The following GLS variants were observed in gnomAD, a reference collection of about 807,000 sequenced individuals.
GLS encodes the protein glutaminase.
In GLS, 36 loss-of-function variants were observed where a neutral mutation model predicts 86.7. That is an observed-to-expected ratio of 0.42 (90% confidence interval 0.32 to 0.55). The LOEUF (loss-of-function observed/expected upper bound fraction) is 0.55, where lower values mean the gene tolerates loss of function less well. Ranked by LOEUF, GLS falls within the 20% of genes least tolerant of loss-of-function variation. The pLI, the probability that GLS is intolerant of heterozygous loss-of-function variation, is 0.17. For synonymous variants in GLS, 317 were observed against 305.9 expected (o/e 1.04, Z -0.38); for missense variants, 528 against 833.4 (o/e 0.63, Z 4.51).
At chr2:190,934,900 CT>C (rs1410957273) in intron 14 of GLS, 1 of 978,600 alleles carries the variant, frequency 1.0e-6, no homozygotes, top group African/African-American at 1.7e-5. Flanking sequence ...GGCCCTCAAA[CT>C]TAAAAAAGAA....
chr2:190,940,367 T>A (rs566943994), intron 14 of GLS, among the ~76,000 whole-genome samples: 93 of 152,186 alleles, frequency 6.1e-4, no homozygotes, highest in Non-Finnish European at 1.0e-3. Context: ...TAACATTCTA[T>A]GGTGACTAAT....
intron 11 of GLS, among the ~76,000 whole-genome samples, chr2:190,925,124 TAATG>T (rs1689858535): frequency 1.3e-5 from 2 of 152,314 alleles, no homozygotes; most frequent in South Asian, 4.1e-4. Context: ...TTGTCAAAAA[TAATG>T]AACACTCCCA....
rs1230203270 is a variant in GLS, at chr2:190,935,175, T to C, written c.1650+3538T>C. 1.9e-5 allele frequency: 17 copies of C among 898,940 alleles called. No homozygotes were observed. The highest frequency in any genetic ancestry group is 2.3e-5 in the Non-Finnish European group (17 of 751,262). 55.7% of individuals were successfully genotyped at this position (898,940 alleles called of 1,614,324 possible). On this transcript the variant is annotated intron_variant, in intron 14 of 17. Coordinates refer to ENST00000320717, the MANE Select transcript of GLS (RefSeq NM_014905.5). This position sits in a 1 kb window ranked among gnomAD's most constrained non-coding sequence, Gnocchi z 4.2. ...ATGTTGTGCATTTTATCTTAGTGTT[T>C]GGATGAAAACATTTGTGTTGTTTAG...
chr2:190,904,311 A>G (rs1689054980), intron 5 of GLS, among the ~76,000 whole-genome samples: 1 of 152,072 alleles, frequency 6.6e-6, no homozygotes, highest in South Asian at 2.1e-4. Context: ...AAAGGTGAAT[A>G]ATTTCTAAAA....
chr2:190,924,040 A>C lies in GLS; in HGVS notation c.1197+57A>C. ...TTCTTTCATTTAATAAAATACATGA[A>C]GATGTATGCTAAGAATTCAACAATA... On this transcript the variant is annotated intron_variant, in intron 10 of 17. Coordinates refer to ENST00000320717, the MANE Select transcript of GLS (RefSeq NM_014905.5). The surrounding 1 kb of genome is among the most constrained non-coding windows in gnomAD (Gnocchi z 5.2). 1 of 876,282 alleles carries C rather than the reference A, an allele frequency of 1.1e-6. No individual in the cohort carries two copies. The highest frequency in any genetic ancestry group is 1.7e-5 in the African/African-American group (1 of 58,418). 54.3% of individuals were successfully genotyped at this position (876,282 alleles called of 1,614,324 possible). A position where few individuals can be genotyped will look rare whatever the true frequency, so the allele number is the denominator to read the frequency against.
chr2:190,910,072 AT>A (rs1311952042), intron 6 of GLS, among the ~76,000 whole-genome samples, 190 bp from the exon 7 acceptor site: 1 of 152,096 alleles, frequency 6.6e-6, no homozygotes, highest in Non-Finnish European at 1.5e-5. Flanking sequence ...TTATTATTCT[AT>A]GTAAATCACT....
Position 190,943,383 on chromosome 2 carries a change from A to G in GLS, c.1651-10182A>G, listed in dbSNP as rs151142285. ...TATAAAGTGATAAGGAAAGTGTATC[A>G]AAGACAGAACCCTAAGAAACCATCA... On this transcript the variant is annotated intron_variant, in intron 14 of 17. Transcript: ENST00000320717. This position sits in a 1 kb window ranked among gnomAD's most constrained non-coding sequence, Gnocchi z 4.5. Among the ~76,000 whole-genome samples the G allele has an allele frequency of 7.2e-5, 11 of 152,300 alleles. No individual in the cohort carries two copies. The highest frequency in any genetic ancestry group is 2.6e-4 in the African/African-American group (11 of 41,566).
At chr2:190,907,340 C>T (rs1689189035) in intron 6 of GLS, among the ~76,000 whole-genome samples, 1 of 152,018 alleles carries the variant, frequency 6.6e-6, no homozygotes, top group Non-Finnish European at 1.5e-5. Context: ...TCACCGCAAC[C>T]TCCGCCTCCC....
At chr2:190,902,497 A>C (rs759440594) in intron 5 of GLS, among the ~76,000 whole-genome samples, 5 of 152,180 alleles carry the variant, frequency 3.3e-5, no homozygotes, top group Non-Finnish European at 5.9e-5. Context: ...AACATGTAGG[A>C]TTTCATGAAG....
rs1254719740 is a variant in GLS, at chr2:190,938,104, T to C, written c.1650+6467T>C. Among the ~76,000 whole-genome samples the C allele has an allele frequency of 6.6e-6, 1 of 151,362 alleles. No individual in the cohort carries two copies. Among genetic ancestry groups the C allele is most frequent in the African/African-American group, 2.4e-5 (1 of 41,374 alleles). On this transcript the variant is annotated intron_variant, in intron 14 of 17. Coordinates refer to ENST00000320717, the MANE Select transcript of GLS (RefSeq NM_014905.5). This position sits in a 1 kb window ranked among gnomAD's most constrained non-coding sequence, Gnocchi z 4.1. ...ACCACATCTCAATGGCAAAGAATAA[T>C]TCATTGTATTTATTTTTAAGCCATA...
chr2:190,948,488 A>G (rs909566055), intron 14 of GLS, among the ~76,000 whole-genome samples: 4 of 152,244 alleles, frequency 2.6e-5, no homozygotes, highest in South Asian at 2.1e-4. Flanking sequence ...CACACATACT[A>G]TAATAAAATC....
intron 3 of GLS, 48 bp from the exon 4 acceptor site, chr2:190,900,516 A>T: frequency 1.8e-6 from 2 of 1,139,830 alleles, no homozygotes; most frequent in Non-Finnish European, 2.5e-6. Context: ...CCAAGTTCTG[A>T]TATTTGAAAT....
rs1371492514 is a variant in GLS, at chr2:190,963,680, A to G, written c.*694A>G. 1 of 152,588 alleles carries G rather than the reference A, an allele frequency of 6.6e-6. No individual in the cohort carries two copies. Among genetic ancestry groups the G allele is most frequent in the Admixed American group, 6.5e-5 (1 of 15,278 alleles). The allele number at this position is 152,588 out of a possible 1,614,324, so 9.5% of individuals were successfully genotyped here. On this transcript the variant is annotated 3_prime_UTR_variant, in exon 18 of 18. Coordinates refer to ENST00000320717, the MANE Select transcript of GLS (RefSeq NM_014905.5). Reference sequence around the variant, plus strand: ...CTTAGTCCAGCCTCTCTTCTCAGACATTTAGCTATCTGCCTCTTTCCTTTA... The same window carrying G: ...CTTAGTCCAGCCTCTCTTCTCAGACGTTTAGCTATCTGCCTCTTTCCTTTA...
chr2:190,934,746 C>T, intron 14 of GLS: 14 of 973,244 alleles, frequency 1.4e-5, no homozygotes, highest in Non-Finnish European at 1.7e-5. Context: ...GTGTCACTTA[C>T]TATTTTTGTG....
At position 190,921,794 on chromosome 2, in the gene GLS, A is replaced by G. The variant is rs1308311339; in HGVS notation, c.1130+591A>G. 6.6e-6 allele frequency among the ~76,000 whole-genome samples: 1 copy of G among 152,034 alleles called. No homozygotes were observed. Among genetic ancestry groups the G allele is most frequent in the Non-Finnish European group, 1.5e-5 (1 of 67,922 alleles). ...TACATAACCACAATACCATTAACAC[A>G]TGTAAGAACGTTAACGTTAATTTTA... On this transcript the variant is annotated intron_variant, in intron 9 of 17. Transcript: ENST00000320717. The surrounding 1 kb of genome is among the most constrained non-coding windows in gnomAD (Gnocchi z 4.2).
rs1489624722 is a variant in GLS, at chr2:190,953,757, A to G, written c.1712+131A>G. Reference sequence around the variant, plus strand: ...TAAAAATGACCCCAACAAAATTTTTATTAAATAGGCACTTCCAGTGCCTTA... The same window carrying G: ...TAAAAATGACCCCAACAAAATTTTTGTTAAATAGGCACTTCCAGTGCCTTA... On this transcript the variant is annotated intron_variant, in intron 15 of 17. Coordinates refer to ENST00000320717, the MANE Select transcript of GLS (RefSeq NM_014905.5). The surrounding 1 kb of genome is among the most constrained non-coding windows in gnomAD (Gnocchi z 4.0). The G allele has an allele frequency of 1.5e-6, 1 of 660,164 alleles. No individual in the cohort carries two copies. The highest frequency in any genetic ancestry group is 2.3e-5 in the Admixed American group (1 of 43,656). 40.9% of individuals were successfully genotyped at this position (660,164 alleles called of 1,614,324 possible).
chr2:190,892,103 C>T (rs1003335994), intron 1 of GLS, among the ~76,000 whole-genome samples: 1 of 152,136 alleles, frequency 6.6e-6, no homozygotes, highest in African/African-American at 2.4e-5. Context: ...TTCTTCTAGA[C>T]TGTAAATGAT....
At chr2:190,912,069 C>CA (rs1475505161) in intron 7 of GLS, among the ~76,000 whole-genome samples, 1 of 152,036 alleles carries the variant, frequency 6.6e-6, no homozygotes, top group Non-Finnish European at 1.5e-5. Context: ...TTTCACTTGC[C>CA]ATGTTTAGTC....
chr2:190,950,652 A>G (rs961498928), intron 14 of GLS, among the ~76,000 whole-genome samples: 5 of 152,226 alleles, frequency 3.3e-5, no homozygotes, highest in African/African-American at 4.8e-5. Context: ...CCTGGGTGCT[A>G]GGACACCTTG....
Sources: gnomAD v4.1 joint callset for allele counts (sites outside exome capture counted in the v4.1 genomes callset) on GRCh38, gnomAD v4.1.1 for gene constraint, Gnocchi (gnomAD v3.1) non-coding constraint, MANE v1.5 for transcripts, NCBI Gene and HGNC (gene_info 2026-07-23, HGNC 2026-07-21) for gene names.